The following GALK2 variants were observed in gnomAD, a reference collection of about 807,000 sequenced individuals.
The protein encoded by GALK2 is N-acetylgalactosamine kinase.
GALK2 carries 36 observed loss-of-function variants against 52.4 expected under a neutral mutation model. That is an observed-to-expected ratio of 0.69 (90% CI 0.53 to 0.91). The LOEUF (loss-of-function observed/expected upper bound fraction) is 0.91, where lower values mean the gene tolerates loss of function less well. Ranked by LOEUF, GALK2 falls within the 40% of genes least tolerant of loss-of-function variation. The probability of loss-of-function intolerance (pLI) is 0.00; values close to 1 mark genes in which losing one functional copy is unlikely to be tolerated. For missense variants in GALK2, 579 were observed against 559.1 expected, an observed-to-expected ratio of 1.04 and a Z score of -0.36; for synonymous variants, 176 against 199.1, an observed-to-expected ratio of 0.88 and a Z score of 0.98.
At chr15:49,365,537 A>G in intron 3 of GALK2, 1 of 860,092 alleles carries the variant, frequency 1.2e-6, no homozygotes, top group South Asian at 1.3e-5. Flanking sequence ...ACTACTGGCA[A>G]TGTTTCAGTA....
chr15:49,282,654 C>G (rs1029779299), intron 6 of GALK2, among the ~76,000 whole-genome samples: 1 of 152,164 alleles, frequency 6.6e-6, no homozygotes, highest in Non-Finnish European at 1.5e-5. Flanking sequence ...CTCCTTTAGG[C>G]AGAGCAGAGG....
intron 5 of GALK2, among the ~76,000 whole-genome samples, chr15:49,250,821 G>C (rs1165569889): frequency 1.3e-5 from 2 of 152,096 alleles, no homozygotes; most frequent in Non-Finnish European, 2.9e-5. Context: ...TAAGTTGACA[G>C]ATTTTATACT....
Position 49,201,162 on chromosome 15 carries a change from G to A in GALK2, c.54G>A (p.Arg18=). The change falls in exon 2 of 10, where the codon AGG becomes AGA. Residue 18 remains arginine, a splice_region_variant and synonymous_variant. Coordinates refer to ENST00000560031, the MANE Select transcript of GALK2 (RefSeq NM_002044.4). Reference sequence around the variant, plus strand: ...TGAAATATTGTACTTTTATTTTCAGGTTACTGAAGCTAAAGGAGATGTTTA... The same window carrying A: ...TGAAATATTGTACTTTTATTTTCAGATTACTGAAGCTAAAGGAGATGTTTA... ...TRRVQVAEHP[R]LLKLKEMFNS... 3.8e-6 allele frequency: 6 copies of A among 1,569,008 alleles called. No individual in the cohort carries two copies. The highest frequency in any genetic ancestry group is 5.3e-6 in the Non-Finnish European group (6 of 1,141,620).
At chr15:49,271,950 T>G (rs2141694311) in intron 5 of GALK2, among the ~76,000 whole-genome samples, 1 of 152,362 alleles carries the variant, frequency 6.6e-6, no homozygotes, top group Middle Eastern at 3.4e-3. Context: ...AACATTTTGA[T>G]GAATCAGAAA....
intron 3 of GALK2, among the ~76,000 whole-genome samples, chr15:49,355,439 G>A (rs371187055): frequency 6.6e-6 from 1 of 152,216 alleles, no homozygotes; most frequent in East Asian, 1.9e-4. Flanking sequence ...ACTACGTGAA[G>A]AATGCAGAAG....
At chr15:49,299,764 TTTCTTTCTTTCTTTCTTTCTTTC>T (rs2034903460) in intron 8 of GALK2, among the ~76,000 whole-genome samples, 1 of 121,548 alleles carries the variant, frequency 8.2e-6, no homozygotes, top group African/African-American at 3.0e-5. Flanking sequence ...TCTTTCTTTC[TTTCTTTCTTTCTTTCTTTCTTTC>T]TTTCTTTCGT....
At chr15:49,301,066 C>T (rs1484853499) in intron 8 of GALK2, among the ~76,000 whole-genome samples, 2 of 152,138 alleles carry the variant, frequency 1.3e-5, no homozygotes, top group South Asian at 4.1e-4. Context: ...TTCCTCTTCA[C>T]TTACAAAACT....
At chr15:49,341,926 T>A (rs370256919) in intron 3 of GALK2, among the ~76,000 whole-genome samples, 2 of 152,338 alleles carry the variant, frequency 1.3e-5, no homozygotes. Context: ...TTTTTTGAAT[T>A]TATCAAAACT....
At chr15:49,262,581 T>A (rs1471990393) in intron 5 of GALK2, among the ~76,000 whole-genome samples, 2 of 152,332 alleles carry the variant, frequency 1.3e-5, no homozygotes, top group South Asian at 2.1e-4. Context: ...AGTTCTGCTC[T>A]GATTTTAGTT....
At chr15:49,223,545 G>A (rs1429317069) in intron 3 of GALK2, among the ~76,000 whole-genome samples, 1 of 152,058 alleles carries the variant, frequency 6.6e-6, no homozygotes, top group African/African-American at 2.4e-5. Context: ...TACTGCCCCC[G>A]CCATTGCTTA....
At chr15:49,248,970 T>A (rs1481296311) in intron 5 of GALK2, among the ~76,000 whole-genome samples, 3 of 152,198 alleles carry the variant, frequency 2.0e-5, no homozygotes, top group Non-Finnish European at 4.4e-5. Flanking sequence ...GAACTTTTGT[T>A]GTGATCCTTA....
intron 3 of GALK2, among the ~76,000 whole-genome samples, chr15:49,232,184 T>G (rs2090538704): frequency 1.3e-5 from 2 of 152,214 alleles, no homozygotes; most frequent in African/African-American, 4.8e-5. Flanking sequence ...GCCTTAACTC[T>G]TGCACTCTGA....
At chr15:49,321,431 T>C (rs1287499354) in intron 9 of GALK2, among the ~76,000 whole-genome samples, 1 of 152,194 alleles carries the variant, frequency 6.6e-6, no homozygotes, top group Non-Finnish European at 1.5e-5. Flanking sequence ...ATGGAAATGC[T>C]AGGCAATTCT....
At chr15:49,309,657 G>A (rs927073406) in intron 8 of GALK2, among the ~76,000 whole-genome samples, 1 of 149,600 alleles carries the variant, frequency 6.7e-6, no homozygotes. Flanking sequence ...TTTCATTCTT[G>A]TTGCCCAGGC....
At chr15:49,338,269 G>A (rs1041586057) in intron 3 of GALK2, among the ~76,000 whole-genome samples, 8 of 152,248 alleles carry the variant, frequency 5.3e-5, no homozygotes, top group African/African-American at 1.9e-4. Flanking sequence ...GCCTGGTACC[G>A]GTTGTTCCTT....
rs1315397085 is a variant in GALK2 at position 49,329,027 on chromosome 15, T to C, written c.*868T>C. 2 of 1,008,018 alleles carry C rather than the reference T, an allele frequency of 2.0e-6. No homozygotes were observed. The highest frequency in any genetic ancestry group is 3.4e-5 in the African/African-American group (2 of 58,056). 62.4% of individuals were successfully genotyped at this position (1,008,018 alleles called of 1,614,324 possible). A position where few individuals can be genotyped will look rare whatever the true frequency, so the allele number is the denominator to read the frequency against. On this transcript the variant is annotated 3_prime_UTR_variant, in exon 10 of 10. Transcript: ENST00000560031. ...AATTACTTTCTTATCACTCTTTTTC[T>C]ACTACTTTTTCTCAAATACCTCTCT...
chr15:49,334,770 G>C (rs2039413636), downstream of GALK2, among the ~76,000 whole-genome samples: 1 of 152,102 alleles, frequency 6.6e-6, no homozygotes, highest in African/African-American at 2.4e-5. Context: ...GCACCCAAAA[G>C]GGAGGATCAT....
intron 3 of GALK2, among the ~76,000 whole-genome samples, chr15:49,337,682 C>A (rs1167817464): frequency 6.6e-6 from 1 of 151,558 alleles, no homozygotes; most frequent in Non-Finnish European, 1.5e-5. Context: ...CACAGCCCCA[C>A]CCCCTCAACA....
chr15:49,217,344 A>G (rs1002379219), intron 3 of GALK2, 31 bp downstream of exon 3: 1 of 1,610,110 alleles, frequency 6.2e-7, no homozygotes, highest in Admixed American at 1.7e-5. Context: ...GTGTGTGTGT[A>G]TGTATGGTTC....
Sources: gnomAD v4.1 joint callset for allele counts (sites outside exome capture counted in the v4.1 genomes callset) on GRCh38, gnomAD v4.1.1 for gene constraint, MANE v1.5 for transcripts, NCBI Gene and HGNC (gene_info 2026-07-23, HGNC 2026-07-21) for gene names.